RAB9B: variants seen among roughly 807,000 people sequenced by gnomAD.
RAB9B encodes the protein RAB9B, member RAS oncogene family, also known as ras-related protein Rab-9B.
Under a neutral mutation model 8.9 loss-of-function variants are expected in RAB9B, and 1 was observed. The observed-to-expected ratio is 0.11, with a 90% CI of 0.04 to 0.53. The LOEUF is 0.53. Among genes scored for constraint, RAB9B ranks in the 20% least tolerant of loss-of-function variants. The probability of loss-of-function intolerance (pLI) is 0.93; values close to 1 mark genes in which losing one functional copy is unlikely to be tolerated. For missense variants in RAB9B, 82 were observed against 152.9 expected, an observed-to-expected ratio of 0.54 and a Z score of 2.45; for synonymous variants, 63 against 57.0, an observed-to-expected ratio of 1.10 and a Z score of -0.47.
chrX:103,782,961 C>T, the RAB9B span, among the ~76,000 whole-genome samples: 1 of 112,338 alleles, frequency 8.9e-6, no homozygotes, highest in Non-Finnish European at 1.9e-5. Context: ...CTTCTCCCCC[C>T]ATCCCCAGGC....
At chrX:103,826,668 A>G (rs1478140339) in intron 2 of RAB9B, among the ~76,000 whole-genome samples, 1 of 112,338 alleles carries the variant, frequency 8.9e-6, no homozygotes, top group Non-Finnish European at 1.9e-5. Flanking sequence ...TAAAATAAAA[A>G]GATCAAATGC....
chrX:103,815,107 T>C, the RAB9B span, among the ~76,000 whole-genome samples: 2 of 112,229 alleles, frequency 1.8e-5, no homozygotes, highest in African/African-American at 6.5e-5. Flanking sequence ...ATCATCCTGA[T>C]ACCAAAGCCT....
the RAB9B span, among the ~76,000 whole-genome samples, chrX:103,811,597 A>G: frequency 1.8e-5 from 2 of 111,761 alleles, no homozygotes; most frequent in Non-Finnish European, 3.8e-5. Context: ...TTCTAGAAAA[A>G]AAATTTAAAA....
chrX:103,776,917 A>C, the RAB9B span: 11 of 922,981 alleles, frequency 1.2e-5, no homozygotes, highest in Non-Finnish European at 1.7e-5. Flanking sequence ...TGGAGAGACC[A>C]GGATCCTTCC....
intron 1 of RAB9B, among the ~76,000 whole-genome samples, chrX:103,827,726 G>A (rs768116093): frequency 3.6e-5 from 4 of 111,716 alleles, no homozygotes; most frequent in Non-Finnish European, 5.6e-5. Context: ...GAGTGCAGTG[G>A]TGCAGTCATG....
chrX:103,810,925 A>C, the RAB9B span, among the ~76,000 whole-genome samples: 1 of 111,787 alleles, frequency 8.9e-6, no homozygotes, highest in South Asian at 3.8e-4. Context: ...GTCATATTTC[A>C]CTGAAAAACC....
At chrX:103,808,368 C>T in the RAB9B span, among the ~76,000 whole-genome samples, 1 of 111,902 alleles carries the variant, frequency 8.9e-6, no homozygotes, top group African/African-American at 3.2e-5. Context: ...TAAATGTCAG[C>T]TACTGGTCTC....
At chrX:103,782,569 C>A in the RAB9B span, among the ~76,000 whole-genome samples, 2 of 111,852 alleles carry the variant, frequency 1.8e-5, no homozygotes, top group East Asian at 5.6e-4. Context: ...ATCTTTGCAA[C>A]CCTAGAGGTG....
At chrX:103,809,806 T>C in the RAB9B span, among the ~76,000 whole-genome samples, 1 of 110,027 alleles carries the variant, frequency 9.1e-6, no homozygotes, top group Non-Finnish European at 1.9e-5. Context: ...CTTTTTTTTT[T>C]TTTCTCAGAG....
chrX:103,780,625 C>T, the RAB9B span, among the ~76,000 whole-genome samples: 3 of 111,199 alleles, frequency 2.7e-5, no homozygotes, highest in East Asian at 2.8e-4. Context: ...ATTCCCAGGC[C>T]CCAGAGACTT....
the RAB9B span, chrX:103,790,719 G>A: frequency 8.7e-6 from 5 of 574,525 alleles, no homozygotes; most frequent in Admixed American, 9.2e-5. Flanking sequence ...TACTTGATGA[G>A]TGTAACAAGA....
At chrX:103,829,744 C>T (rs769680835) in intron 1 of RAB9B, among the ~76,000 whole-genome samples, 1 of 112,235 alleles carries the variant, frequency 8.9e-6, no homozygotes, top group East Asian at 2.8e-4. Flanking sequence ...GAAATAATGT[C>T]ATTATACTGA....
the RAB9B span, among the ~76,000 whole-genome samples, chrX:103,811,351 C>T: frequency 8.9e-6 from 1 of 112,075 alleles, no homozygotes; most frequent in African/African-American, 3.2e-5. Flanking sequence ...GGTTAATTAT[C>T]ATGTCACTAT....
downstream of RAB9B, among the ~76,000 whole-genome samples, chrX:103,820,818 C>T (rs949839166): frequency 2.7e-5 from 3 of 110,166 alleles, no homozygotes; most frequent in Middle Eastern, 4.6e-3. Flanking sequence ...GGTGTGGTGG[C>T]GGGCGCCTGT....
chrX:103,789,274 C>T, the RAB9B span: 7 of 809,633 alleles, frequency 8.6e-6, no homozygotes, highest in African/African-American at 2.0e-5. Context: ...TCATGATTTA[C>T]AGTGGAGCAT....
Position 103,824,706 on chromosome X carries a change from A to G in RAB9B, c.*473T>C, listed in dbSNP as rs960442350. On this transcript the variant is annotated 3_prime_UTR_variant, in exon 3 of 3. Coordinates refer to ENST00000243298, the MANE Select transcript of RAB9B (RefSeq NM_016370.4). ...AAGCCTAGGAATCCTTATTTGCATTATTATTTTTATTGTAATACAGCTCAA... is the reference window on the plus strand; with the variant it reads ...AAGCCTAGGAATCCTTATTTGCATTGTTATTTTTATTGTAATACAGCTCAA... The G allele has an allele frequency of 1.2e-4, 14 of 112,186 alleles. No homozygotes were observed. Among genetic ancestry groups the G allele is most frequent in the African/African-American group, 4.6e-4 (14 of 30,548 alleles). 9.2% of individuals were successfully genotyped at this position (112,186 alleles called of 1,213,427 possible).
At chrX:103,804,134 T>G in the RAB9B span, among the ~76,000 whole-genome samples, 1 of 112,452 alleles carries the variant, frequency 8.9e-6, no homozygotes, top group Non-Finnish European at 1.9e-5. Flanking sequence ...TTTTAACACT[T>G]ACCTTTACAT....
downstream of RAB9B, among the ~76,000 whole-genome samples, chrX:103,819,997 C>G (rs982817305): frequency 8.9e-6 from 1 of 111,945 alleles, no homozygotes; most frequent in Non-Finnish European, 1.9e-5. Flanking sequence ...GGGTGAAGCC[C>G]TCATAAATGG....
At chrX:103,795,463 A>G in the RAB9B span, among the ~76,000 whole-genome samples, 2 of 111,626 alleles carry the variant, frequency 1.8e-5, no homozygotes, top group African/African-American at 6.5e-5. Flanking sequence ...GGCAAAATAC[A>G]AAGCTGATTC....
Sources: allele counts gnomAD v4.1 joint callset (sites outside exome capture counted in the v4.1 genomes callset), GRCh38; gene constraint gnomAD v4.1.1; transcripts MANE v1.5; gene names NCBI Gene and HGNC (gene_info 2026-07-23, HGNC 2026-07-21).